Variants in CTNNA2 observed in about 807,000 individuals in gnomAD.
CTNNA2 encodes the protein catenin alpha-2.
A neutral mutation model predicts 101.0 loss-of-function variants in CTNNA2; 42 were observed. The observed-to-expected ratio is 0.42, with a 90% CI of 0.32 to 0.54. The LOEUF (loss-of-function observed/expected upper bound fraction) is 0.54. CTNNA2 is among the 20% of genes least tolerant of loss of function. The pLI, the probability that CTNNA2 is intolerant of heterozygous loss-of-function variation, is 0.14. For missense variants in CTNNA2, 871 were observed against 1,223.1 expected, an observed-to-expected ratio of 0.71 and a Z score of 4.29; for synonymous variants, 450 against 456.4, an observed-to-expected ratio of 0.99 and a Z score of 0.18.
chr2:79,280,675 GAGAGAGAGAA>G (rs112186173), intron 2 of CTNNA2, among the ~76,000 whole-genome samples: 8,508 of 65,256 alleles, frequency 0.13, 786 homozygotes, highest in African/African-American at 0.35. Flanking sequence ...GAGAGAGAGA[GAGAGAGAGAA>G]AGAGAGAGAG....
intron 7 of CTNNA2, among the ~76,000 whole-genome samples, chr2:80,358,847 TA>T (rs779361703): frequency 1.2e-4 from 18 of 152,088 alleles, no homozygotes; most frequent in Non-Finnish European, 2.1e-4. Context: ...TTTTGAAATA[TA>T]ACAAACGGAA....
intron 6 of CTNNA2, among the ~76,000 whole-genome samples, chr2:79,876,995 C>A (rs1558604036): frequency 6.6e-6 from 1 of 151,398 alleles, no homozygotes; most frequent in South Asian, 2.1e-4. Context: ...GTAAATAAGT[C>A]ACTAACTATA....
chr2:80,434,206 C>A (rs1350849224), intron 9 of CTNNA2, among the ~76,000 whole-genome samples: 1 of 152,152 alleles, frequency 6.6e-6, no homozygotes, highest in Non-Finnish European at 1.5e-5. Context: ...ATTTCCATGA[C>A]AAGTTGTCTT....
chr2:79,909,499 G>A (rs1558632767), intron 6 of CTNNA2, 95 bp from the exon 7 acceptor site: 1 of 1,043,120 alleles, frequency 9.6e-7, no homozygotes, highest in Non-Finnish European at 1.4e-6. Flanking sequence ...GGGGACTCCT[G>A]TTCTTGCCTC....
intron 3 of CTNNA2, among the ~76,000 whole-genome samples, chr2:79,815,286 CTATT>C (rs1677398837): frequency 6.6e-6 from 1 of 152,072 alleles, no homozygotes; most frequent in Non-Finnish European, 1.5e-5. Flanking sequence ...TAAGTCGCAA[CTATT>C]TATCTTTGTT....
chr2:79,735,554 T>C (rs1157768366), intron 2 of CTNNA2, among the ~76,000 whole-genome samples: 1 of 152,182 alleles, frequency 6.6e-6, no homozygotes, highest in East Asian at 1.9e-4. Context: ...TATTTCTGAA[T>C]TCTACTTGCT....
chr2:80,043,018 C>CCTTTTTCTTTCTTT (rs1558754450), intron 7 of CTNNA2, among the ~76,000 whole-genome samples: 1 of 135,392 alleles, frequency 7.4e-6, no homozygotes, highest in African/African-American at 3.0e-5. Context: ...CCTTTCTTTC[C>CCTTTTTCTTTCTTT]CTTTCTTTCT....
intron 7 of CTNNA2, among the ~76,000 whole-genome samples, chr2:80,051,448 G>A (rs1696870977): frequency 1.3e-5 from 2 of 152,194 alleles, no homozygotes; most frequent in African/African-American, 2.4e-5. Flanking sequence ...TACTCTGCCA[G>A]ATAGATCATA....
chr2:79,684,188 T>G (rs1285400692), intron 2 of CTNNA2, among the ~76,000 whole-genome samples: 1 of 152,116 alleles, frequency 6.6e-6, no homozygotes, highest in Non-Finnish European at 1.5e-5. Flanking sequence ...ATTTCCAAAA[T>G]TTTTGGACCA....
chr2:79,911,474 C>T (rs1313101418), intron 7 of CTNNA2, among the ~76,000 whole-genome samples: 1 of 152,208 alleles, frequency 6.6e-6, no homozygotes, highest in East Asian at 1.9e-4. Context: ...AGTTGATCAA[C>T]ACGTGACATG....
At chr2:80,325,410 C>T (rs571413309) in intron 7 of CTNNA2, among the ~76,000 whole-genome samples, 2 of 152,178 alleles carry the variant, frequency 1.3e-5, no homozygotes, top group South Asian at 4.1e-4. Context: ...ATCCTTTAAC[C>T]TTAGTCTCCA....
intron 1 of CTNNA2, among the ~76,000 whole-genome samples, chr2:79,638,775 A>T (rs1012672544): frequency 2.8e-4 from 42 of 152,200 alleles, no homozygotes; most frequent in Admixed American, 2.7e-3. Flanking sequence ...AAAATAAAAT[A>T]TAATAATTCA....
At chr2:79,355,419 T>A (rs1444623505) in intron 3 of CTNNA2, among the ~76,000 whole-genome samples, 1 of 152,202 alleles carries the variant, frequency 6.6e-6, no homozygotes, top group Non-Finnish European at 1.5e-5. Context: ...CATTTTGTAG[T>A]TCTCCTTGTA....
chr2:79,356,927 T>G (rs1677521131), intron 3 of CTNNA2, among the ~76,000 whole-genome samples: 1 of 152,120 alleles, frequency 6.6e-6, no homozygotes, highest in South Asian at 2.1e-4. Flanking sequence ...GATTAAAAAT[T>G]CAAGAAAATG....
chr2:79,685,929 C>T lies in CTNNA2; in HGVS notation c.102+34271C>T, dbSNP rs146708273. On this transcript the variant is annotated intron_variant, in intron 2 of 18. Transcript: ENST00000402739. ...AAATACAATGAAAAGGTATGTGCAG[C>T]GTACTGACCACTGAGGGGCACATGT... Among the ~76,000 whole-genome samples the T allele has an allele frequency of 1.2e-4, 18 of 152,118 alleles. No homozygotes were observed. The East Asian group carries it at 2.9e-3, about 25-fold the overall frequency.
intron 7 of CTNNA2, among the ~76,000 whole-genome samples, chr2:80,228,377 G>A (rs1709010595): frequency 6.6e-6 from 1 of 152,050 alleles, no homozygotes; most frequent in Admixed American, 6.6e-5. Context: ...AGCTCCCTCA[G>A]GCCTCTTTTA....
chr2:79,320,124 C>A (rs1676584703), intron 3 of CTNNA2: 1 of 152,092 alleles, frequency 6.6e-6, no homozygotes, highest in African/African-American at 2.4e-5. Flanking sequence ...GGGCCAAAAT[C>A]AGGAGATGAC....
intron 7 of CTNNA2, among the ~76,000 whole-genome samples, chr2:80,383,906 T>G (rs1469750780): frequency 6.6e-6 from 1 of 152,140 alleles, no homozygotes; most frequent in East Asian, 1.9e-4. Flanking sequence ...AGCAAAGACA[T>G]GGTCTCAACC....
intron 7 of CTNNA2, among the ~76,000 whole-genome samples, chr2:80,216,341 A>G (rs1466380130): frequency 1.3e-5 from 2 of 152,196 alleles, no homozygotes; most frequent in African/African-American, 4.8e-5. Context: ...TGCATCACTC[A>G]TGCTTGGAAC....
Sources: allele counts gnomAD v4.1 joint callset (sites outside exome capture counted in the v4.1 genomes callset), GRCh38; gene constraint gnomAD v4.1.1; transcripts MANE v1.5; gene names NCBI Gene and HGNC (gene_info 2026-07-23, HGNC 2026-07-21).